FNTB: variants seen among roughly 807,000 people sequenced by gnomAD.
The protein encoded by FNTB is protein farnesyltransferase subunit beta.
In FNTB, 27 loss-of-function variants were observed where a neutral mutation model predicts 59.4. The ratio of observed to expected loss-of-function variants is 0.45; its 90% CI spans 0.34 to 0.63. The LOEUF (loss-of-function observed/expected upper bound fraction) is 0.63. FNTB is among the 20% of genes least tolerant of loss of function. The pLI is 0.02. For missense variants in FNTB, 449 were observed against 559.6 expected (o/e 0.80, Z 1.99); for synonymous variants, 230 against 220.7 (o/e 1.04, Z -0.37).
rs1174195745 is a variant in FNTB, at chr14:65,056,940, CAT to C, written c.1182+2252_1182+2253del. ...TGGCAAGGGTTGTGCTGCATTATAACATGTGGAAATCAAAGGGGAAGCCAACC... is the reference window on the plus strand; with the variant it reads ...TGGCAAGGGTTGTGCTGCATTATAACGTGGAAATCAAAGGGGAAGCCAACC... On this transcript the variant is annotated intron_variant, in intron 11 of 11. Transcript: ENST00000246166. Among the ~76,000 whole-genome samples the C allele has an allele frequency of 5.3e-5, 8 of 152,296 alleles. No homozygotes were observed. The East Asian group carries it at 9.7e-4, about 18-fold the overall frequency.
rs751384349 is a variant in FNTB, at chr14:65,004,252, A to G, written c.148A>G (p.Lys50Glu). 1.2e-5 allele frequency: 19 copies of G among 1,613,534 alleles called. No individual in the cohort carries two copies. The highest frequency in any genetic ancestry group is 1.6e-5 in the Non-Finnish European group (19 of 1,179,750). ...VETVTSIEQA[K>E]VEEKIQEVFS... The stretch of plus-strand genomic sequence containing the variant: ...CTATCTCCTGCATCCTTACCAGGCA[A>G]AAGTAGAAGAAAAGATCCAAGAGGT... Residue 50 changes from lysine to glutamate, a missense_variant, in exon 2 of 12, where the codon AAA (lysine) becomes GAA (glutamate). Lys to Glu is a moderately conservative substitution (Grantham distance 56). Around this residue, in one of 2 missense-constraint regions of FNTB, gnomAD observed 112 missense variants for 80.5 expected, o/e 1.39. Coordinates refer to ENST00000246166, the MANE Select transcript of FNTB (RefSeq NM_002028.4).
In FNTB at chr14:65,009,188, A is replaced by C. The variant is rs984744999; in HGVS notation, c.210-3129A>C. Reference sequence around the variant, plus strand: ...AGGGTATTAGTCAGCTTGGGCTGCCATAAGACGGTATCACAGATGGGGTGC... The same window carrying C: ...AGGGTATTAGTCAGCTTGGGCTGCCCTAAGACGGTATCACAGATGGGGTGC... On this transcript the variant is annotated intron_variant, in intron 2 of 11. Transcript: ENST00000246166. The surrounding 1 kb of genome is among the most constrained non-coding windows in gnomAD (Gnocchi z 4.2). Among the ~76,000 whole-genome samples, 1 of 152,170 alleles carries C rather than the reference A, an allele frequency of 6.6e-6. No homozygotes were observed. The highest frequency in any genetic ancestry group is 2.4e-5 in the African/African-American group (1 of 41,418).
chr14:65,041,613 A>G (rs2062355577), intron 8 of FNTB, among the ~76,000 whole-genome samples: 1 of 152,190 alleles, frequency 6.6e-6, no homozygotes, highest in Non-Finnish European at 1.5e-5. Flanking sequence ...CCTCTCCCTG[A>G]GTTCAGATGC....
intron 7 of FNTB, among the ~76,000 whole-genome samples, chr14:65,037,737 ATTTATTATTTATTTAT>A (rs2062236939): frequency 5.4e-5 from 4 of 74,412 alleles, no homozygotes; most frequent in African/African-American, 2.1e-4. Context: ...TTATTTATTT[ATTTATTATTTATTTAT>A]TTATTTATTT....
rs557315582 is a variant in FNTB, at chr14:65,031,568, A to T, written c.606-1042A>T. Among the ~76,000 whole-genome samples, 1 of 151,974 alleles carries T rather than the reference A, an allele frequency of 6.6e-6. No homozygotes were observed. Among genetic ancestry groups the T allele is most frequent in the Non-Finnish European group, 1.5e-5 (1 of 67,972 alleles). ...CCTGGCCTCGTGATCCACCTGCCTC[A>T]GCCTCCCAAAGTGCTGGGATTACAG... On this transcript the variant is annotated intron_variant, in intron 6 of 11. Coordinates refer to ENST00000246166, the MANE Select transcript of FNTB (RefSeq NM_002028.4). The surrounding 1 kb of genome is among the most constrained non-coding windows in gnomAD (Gnocchi z 4.6).
intron 9 of FNTB, among the ~76,000 whole-genome samples, chr14:65,052,163 CCTTAT>C (rs1169824765): frequency 6.6e-6 from 1 of 152,034 alleles, no homozygotes; most frequent in African/African-American, 2.4e-5. Flanking sequence ...GATACAGTTA[CCTTAT>C]ATGTCCACTT....
intron 11 of FNTB, among the ~76,000 whole-genome samples, chr14:65,059,185 G>C (rs2062807638): frequency 6.6e-6 from 1 of 152,026 alleles, no homozygotes; most frequent in Non-Finnish European, 1.5e-5. Context: ...ACCAGAACCT[G>C]CTAATTTTTA....
rs1439514921 is a variant in FNTB at position 65,011,714 on chromosome 14, CAGT to C, written c.210-601_210-599del. On this transcript the variant is annotated intron_variant, in intron 2 of 11. Transcript: ENST00000246166. This position sits in a 1 kb window ranked among gnomAD's most constrained non-coding sequence, Gnocchi z 4.0. ...TGGGCGGCACATTCCATCTTAAAGC[CAGT>C]ATTGCTGACTTGAAAGCCAAGGACA... 6.6e-6 allele frequency among the ~76,000 whole-genome samples: 1 copy of C among 152,204 alleles called. No homozygotes were observed. Among genetic ancestry groups the C allele is most frequent in the Non-Finnish European group, 1.5e-5 (1 of 68,044 alleles).
At chr14:64,998,344 A>C (rs1888480723) in intron 1 of FNTB, among the ~76,000 whole-genome samples, 1 of 152,238 alleles carries the variant, frequency 6.6e-6, no homozygotes, top group Non-Finnish European at 1.5e-5. Context: ...GTGCCACAGT[A>C]AACTATGTGC....
chr14:65,047,080 G>C lies in FNTB; in HGVS notation c.955+2637G>C, dbSNP rs1460566739. On this transcript the variant is annotated intron_variant, in intron 9 of 11. Coordinates refer to ENST00000246166, the MANE Select transcript of FNTB (RefSeq NM_002028.4). This position sits in a 1 kb window ranked among gnomAD's most constrained non-coding sequence, Gnocchi z 5.2. ...CAACCCAACTGAAAAACAGGCAAAG[G>C]ATCTGAAGAAAGAGGTCCCAGTGAA... is the stretch of plus-strand genomic sequence containing the variant. 8.5e-5 allele frequency among the ~76,000 whole-genome samples: 13 copies of C among 152,116 alleles called. No individual in the cohort carries two copies.
intron 1 of FNTB, among the ~76,000 whole-genome samples, chr14:65,000,221 T>C (rs985280211): frequency 6.6e-5 from 10 of 152,218 alleles, no homozygotes; most frequent in Non-Finnish European, 1.3e-4. Flanking sequence ...TCATTCAGAA[T>C]TCATTAACTC....
At chr14:65,026,705 A>T (rs1197549488) in intron 4 of FNTB, among the ~76,000 whole-genome samples, 5 of 152,048 alleles carry the variant, frequency 3.3e-5, no homozygotes, top group Non-Finnish European at 2.9e-5. Flanking sequence ...TACTGAAAAT[A>T]CAAAAAATTG....
At position 64,991,483 on chromosome 14, in the gene FNTB, A is replaced by C. The variant is rs1447695270; in HGVS notation, c.144+4386A>C. On this transcript the variant is annotated intron_variant, in intron 1 of 11. Transcript: ENST00000246166. The surrounding 1 kb of genome is among the most constrained non-coding windows in gnomAD (Gnocchi z 4.4). ...GCTAGGCGTGGTGGTGTGCACCTGTAATACCAGCTACTCAGGACACTGAGG... is the reference window on the plus strand; with the variant it reads ...GCTAGGCGTGGTGGTGTGCACCTGTCATACCAGCTACTCAGGACACTGAGG... Among the ~76,000 whole-genome samples the C allele has an allele frequency of 6.6e-6, 1 of 152,150 alleles. No individual in the cohort carries two copies. The highest frequency in any genetic ancestry group is 1.9e-4 in the East Asian group (1 of 5,198).
rs1240491900 is a variant in FNTB, at chr14:65,011,676, G to C, written c.210-641G>C. 6.6e-6 allele frequency among the ~76,000 whole-genome samples: 1 copy of C among 152,230 alleles called. No homozygotes were observed. The highest frequency in any genetic ancestry group is 1.5e-5 in the Non-Finnish European group (1 of 68,052). The stretch of plus-strand genomic sequence containing the variant: ...GCAGCCTCTGTGCTTTGCCCGGCCT[G>C]TGCAGGTGGCCATGGGCGGCACATT... On this transcript the variant is annotated intron_variant, in intron 2 of 11. Transcript: ENST00000246166. The surrounding 1 kb of genome is among the most constrained non-coding windows in gnomAD (Gnocchi z 4.0).
At chr14:64,987,184 C>T in intron 1 of FNTB, 87 bp downstream of exon 1, 2 of 1,484,980 alleles carry the variant, frequency 1.3e-6, no homozygotes, top group Non-Finnish European at 1.8e-6. Flanking sequence ...GTGCGGAACT[C>T]ACCGGGGAAC....
At position 65,040,894 on chromosome 14, in the gene FNTB, G is replaced by T; in HGVS notation, c.797G>T (p.Arg266Leu). The change falls in exon 8 of 12, where the codon CGT becomes CTT. Residue 266 changes from arginine to leucine, a missense_variant. Physicochemically the swap from Arg to Leu is moderately radical, Grantham distance 102. Around this residue, in one of 2 missense-constraint regions of FNTB, gnomAD observed 337 missense variants for 479.1 expected, o/e 0.70. Coordinates refer to ENST00000246166, the MANE Select transcript of FNTB (RefSeq NM_002028.4). ...LAALVILKRE[R>L]SLNLKSLLQW... ...GCGCTGGTAATCCTCAAGAGGGAACGTTCCTTGAACTTGAAGAGCTTATTA... is the reference window on the plus strand; with the variant it reads ...GCGCTGGTAATCCTCAAGAGGGAACTTTCCTTGAACTTGAAGAGCTTATTA... 1 of 1,613,926 alleles carries T rather than the reference G, an allele frequency of 6.2e-7. No homozygotes were observed.
chr14:65,041,305 G>A (rs1250713097), intron 8 of FNTB, among the ~76,000 whole-genome samples: 3 of 152,206 alleles, frequency 2.0e-5, no homozygotes, highest in African/African-American at 7.2e-5. Context: ...CTGCTGCACT[G>A]TGTAAACATT....
At chr14:65,040,225 T>A (rs904202503) in intron 7 of FNTB, among the ~76,000 whole-genome samples, 7 of 149,212 alleles carry the variant, frequency 4.7e-5, no homozygotes, top group African/African-American at 1.7e-4. Flanking sequence ...TCTTTAATTT[T>A]ATTTTAACTT....
Position 65,012,498 on chromosome 14 carries a change from CTTTG to C in FNTB, c.282+112_282+115del. 8 of 1,417,264 alleles carry C rather than the reference CTTTG, an allele frequency of 5.6e-6. No homozygotes were observed. The South Asian group carries it at 9.9e-5, about 18-fold the overall frequency. 87.8% of individuals were successfully genotyped at this position (1,417,264 alleles called of 1,614,324 possible). A position where few individuals can be genotyped will look rare whatever the true frequency, so the allele number is the denominator to read the frequency against. ...GGGGCTGACCTGTTGCAGAGTCACTCTTTGTTCTCTGTGGCTCTGGCAGGAGGTA... is the reference window on the plus strand; with the variant it reads ...GGGGCTGACCTGTTGCAGAGTCACTCTTCTCTGTGGCTCTGGCAGGAGGTA... On this transcript the variant is annotated intron_variant, in intron 3 of 11. Coordinates refer to ENST00000246166, the MANE Select transcript of FNTB (RefSeq NM_002028.4). The surrounding 1 kb of genome is among the most constrained non-coding windows in gnomAD (Gnocchi z 5.0).
Sources: gnomAD v4.1 joint callset for allele counts (sites outside exome capture counted in the v4.1 genomes callset) on GRCh38, gnomAD v4.1.1 for gene constraint, gnomAD v4.1.1 regional missense constraint, Gnocchi (gnomAD v3.1) non-coding constraint, MANE v1.5 for transcripts, NCBI Gene and HGNC (gene_info 2026-07-23, HGNC 2026-07-21) for gene names.